Variants in DNAJC1 observed in about 807,000 individuals in gnomAD.
DNAJC1 encodes the protein DnaJ heat shock protein family (Hsp40) member C1.
DNAJC1 carries 58 observed loss-of-function variants against 76.6 expected under a neutral mutation model. That is an observed-to-expected ratio of 0.76 (90% CI 0.61 to 0.94). The LOEUF is 0.94. Ranked by LOEUF, DNAJC1 falls within the 40% of genes least tolerant of loss-of-function variation. The pLI, the probability that DNAJC1 is intolerant of heterozygous loss-of-function variation, is 0.00. For synonymous variants in DNAJC1, 258 were observed against 267.9 expected, an observed-to-expected ratio of 0.96 and a Z score of 0.36; for missense variants, 689 against 677.3, an observed-to-expected ratio of 1.02 and a Z score of -0.19.
chr10:21,943,882 T>C (rs1837460796), intron 1 of DNAJC1, among the ~76,000 whole-genome samples: 1 of 152,008 alleles, frequency 6.6e-6, no homozygotes. Context: ...ACCGCAAATG[T>C]TGGTTTCAAA....
chr10:21,959,800 CAA>C (rs199556961), intron 1 of DNAJC1, among the ~76,000 whole-genome samples: 6 of 138,878 alleles, frequency 4.3e-5, no homozygotes, highest in African/African-American at 8.0e-5. Flanking sequence ...AAAACAAAAA[CAA>C]AAAAAAAAAA....
At chr10:21,862,755 C>T (rs953935720) in intron 8 of DNAJC1, among the ~76,000 whole-genome samples, 1 of 152,100 alleles carries the variant, frequency 6.6e-6, no homozygotes. Context: ...GAAACCAATG[C>T]TCAGAGGAAA....
rs1589985634 is a variant in DNAJC1 at position 21,801,481 on chromosome 10, TAAC to T, written c.1098+4496_1098+4498del. 3.3e-5 allele frequency among the ~76,000 whole-genome samples: 5 copies of T among 152,094 alleles called. No individual in the cohort carries two copies. In the East Asian group the frequency reaches 9.7e-4, roughly 29 times the overall value. On this transcript the variant is annotated intron_variant, in intron 9 of 11. Coordinates refer to ENST00000376980, the MANE Select transcript of DNAJC1 (RefSeq NM_022365.4). ...TGGCTATTACCAAAAAGTCAAAAAA[TAAC>T]AAATGCTGGCAAGGTTGCAGAGAAA... is the stretch of plus-strand genomic sequence containing the variant.
At chr10:21,908,332 G>A (rs1291066503) in intron 6 of DNAJC1, among the ~76,000 whole-genome samples, 1 of 137,570 alleles carries the variant, frequency 7.3e-6, no homozygotes, top group African/African-American at 2.7e-5. Context: ...GAAATCGGCT[G>A]ATTTTGGAGA....
chr10:21,927,555 T>C (rs1291496540), intron 3 of DNAJC1, among the ~76,000 whole-genome samples: 1 of 152,178 alleles, frequency 6.6e-6, no homozygotes, highest in Non-Finnish European at 1.5e-5. Context: ...GGTCCACTAG[T>C]GTCTCATGAA....
At chr10:21,786,427 A>AATAT (rs71472824) in intron 9 of DNAJC1, among the ~76,000 whole-genome samples, 18 of 31,398 alleles carry the variant, frequency 5.7e-4, no homozygotes, top group South Asian at 3.4e-3. Flanking sequence ...TTAAAATGGG[A>AATAT]ATATATATAT....
intron 7 of DNAJC1, among the ~76,000 whole-genome samples, chr10:21,896,087 C>T (rs1836537586): frequency 6.6e-6 from 1 of 152,082 alleles, no homozygotes; most frequent in Admixed American, 6.5e-5. Flanking sequence ...GCCTTGGGGC[C>T]CAGGCAAGGA....
At chr10:21,803,748 A>ATC in intron 9 of DNAJC1, 1 of 765,092 alleles carries the variant, frequency 1.3e-6, no homozygotes, top group Non-Finnish European at 1.6e-6. Flanking sequence ...CTATATATAT[A>ATC]TTGACATAGA....
chr10:21,979,000 T>C (rs1479472376), intron 1 of DNAJC1, among the ~76,000 whole-genome samples: 1 of 152,040 alleles, frequency 6.6e-6, no homozygotes, highest in Non-Finnish European at 1.5e-5. Context: ...TATATACAAT[T>C]AGTAAACAGC....
At chr10:21,883,251 A>ACACACACAC (rs1836311121) in intron 7 of DNAJC1, among the ~76,000 whole-genome samples, 5 of 129,024 alleles carry the variant, frequency 3.9e-5, no homozygotes, top group East Asian at 2.5e-4. Flanking sequence ...TTCTATCTCA[A>ACACACACAC]ACACACACAC....
chr10:21,874,969 C>T (rs1836160835), intron 8 of DNAJC1, among the ~76,000 whole-genome samples: 1 of 152,084 alleles, frequency 6.6e-6, no homozygotes, highest in South Asian at 2.1e-4. Context: ...CAACCTCTGC[C>T]TCCCGGGTTC....
chr10:21,837,591 T>C (rs1388598277), intron 8 of DNAJC1, among the ~76,000 whole-genome samples: 1 of 150,644 alleles, frequency 6.6e-6, no homozygotes, highest in African/African-American at 2.4e-5. Context: ...GGAGCCTCTC[T>C]GCCCGGCCGC....
intron 8 of DNAJC1, among the ~76,000 whole-genome samples, chr10:21,848,086 A>G (rs1473852099): frequency 2.0e-5 from 3 of 152,160 alleles, no homozygotes; most frequent in African/African-American, 7.2e-5. Flanking sequence ...GTGAACTATT[A>G]GTGTTTCCCT....
intron 8 of DNAJC1, among the ~76,000 whole-genome samples, chr10:21,820,456 T>C (rs1835140165): frequency 6.6e-6 from 1 of 152,210 alleles, no homozygotes; most frequent in African/African-American, 2.4e-5. Context: ...TTTCAAACTG[T>C]GTTTTTCCTC....
intron 9 of DNAJC1, among the ~76,000 whole-genome samples, chr10:21,780,303 C>T (rs1187845928): frequency 1.3e-5 from 2 of 152,204 alleles, no homozygotes; most frequent in Middle Eastern, 3.4e-3. Context: ...TCAGATTCAC[C>T]AAAGTTGAAA....
intron 8 of DNAJC1, among the ~76,000 whole-genome samples, chr10:21,817,682 CCAAA>C (rs1461613757): frequency 6.6e-6 from 1 of 152,106 alleles, no homozygotes; most frequent in African/African-American, 2.4e-5. Flanking sequence ...GTCAGGAACC[CCAAA>C]CAGAGGGACT....
chr10:21,921,034 A>T, intron 3 of DNAJC1, 71 bp from the exon 4 acceptor site: 1 of 1,360,654 alleles, frequency 7.3e-7, no homozygotes, highest in Non-Finnish European at 9.9e-7. Context: ...TTGTGCCTAT[A>T]TTACAAAAAG....
chr10:21,970,162 A>G (rs1349748386), intron 1 of DNAJC1, among the ~76,000 whole-genome samples: 2 of 152,168 alleles, frequency 1.3e-5, no homozygotes, highest in Admixed American at 6.5e-5. Flanking sequence ...TTACAAACAC[A>G]AAGTTAAAAA....
chr10:21,984,126 T>G (rs1180724224), intron 1 of DNAJC1, among the ~76,000 whole-genome samples: 1 of 152,210 alleles, frequency 6.6e-6, no homozygotes, highest in African/African-American at 2.4e-5. Flanking sequence ...TTTCTTCTAA[T>G]GTTTTTAAAT....
Sources: allele counts gnomAD v4.1 joint callset (sites outside exome capture counted in the v4.1 genomes callset), GRCh38; gene constraint gnomAD v4.1.1; transcripts MANE v1.5; gene names NCBI Gene and HGNC (gene_info 2026-07-23, HGNC 2026-07-21).